The following PLD5 variants were observed in gnomAD, a reference collection of about 807,000 sequenced individuals.
PLD5 encodes inactive phospholipase D5.
In PLD5, 36 loss-of-function variants were observed where a neutral mutation model predicts 61.1. The observed-to-expected ratio is 0.59, with a 90% CI of 0.45 to 0.78. PLD5 has a LOEUF of 0.78. PLD5 is among the 30% of genes least tolerant of loss of function. The pLI is 0.00. For missense variants in PLD5, 515 were observed against 644.4 expected (o/e 0.80, Z 2.17); for synonymous variants, 243 against 242.8 (o/e 1.00, Z -0.01).
At chr1:242,466,262 A>G (rs1667273640) in intron 1 of PLD5, among the ~76,000 whole-genome samples, 1 of 152,128 alleles carries the variant, frequency 6.6e-6, no homozygotes. Flanking sequence ...TTGTTGCCTG[A>G]TGTATCCTAG....
At chr1:242,215,655 A>G (rs975766615) in intron 5 of PLD5, among the ~76,000 whole-genome samples, 12 of 152,124 alleles carry the variant, frequency 7.9e-5, no homozygotes, top group African/African-American at 2.2e-4. Context: ...AACGCATCAA[A>G]CCATAGCATG....
intron 5 of PLD5, among the ~76,000 whole-genome samples, chr1:242,137,081 A>G (rs1663790758): frequency 6.6e-6 from 1 of 152,236 alleles, no homozygotes. Context: ...AAACAGAAAG[A>G]AAAAGGAGAT....
chr1:242,262,958 G>T (rs1673454933), intron 4 of PLD5, among the ~76,000 whole-genome samples: 1 of 152,090 alleles, frequency 6.6e-6, no homozygotes, highest in Non-Finnish European at 1.5e-5. Context: ...AGGACTTCAT[G>T]AGGGCTAGGT....
intron 5 of PLD5, among the ~76,000 whole-genome samples, chr1:242,160,544 T>C (rs549685823): frequency 6.6e-6 from 1 of 152,262 alleles, no homozygotes; most frequent in Admixed American, 6.5e-5. Context: ...TAAGTGAATA[T>C]GTTATTGAGC....
At chr1:242,330,923 A>C (rs1400970060) in intron 2 of PLD5, among the ~76,000 whole-genome samples, 1 of 152,208 alleles carries the variant, frequency 6.6e-6, no homozygotes, top group African/African-American at 2.4e-5. Flanking sequence ...AATTTTCCTC[A>C]GCAAATTGAG....
intron 2 of PLD5, among the ~76,000 whole-genome samples, chr1:242,343,090 G>C (rs1574766222): frequency 6.6e-6 from 1 of 152,078 alleles, no homozygotes; most frequent in South Asian, 2.1e-4. Context: ...GCAGAAATAA[G>C]ATGAATTAAA....
intron 5 of PLD5, among the ~76,000 whole-genome samples, chr1:242,209,938 G>A (rs1238329325): frequency 6.6e-6 from 1 of 152,136 alleles, no homozygotes; most frequent in African/African-American, 2.4e-5. Flanking sequence ...GGGATTACAG[G>A]CACCCAACAC....
rs189005715 is a variant in PLD5 at position 242,312,700 on chromosome 1, T to C, written c.327-24170A>G. 7.9e-5 allele frequency among the ~76,000 whole-genome samples: 12 copies of C among 152,296 alleles called. No homozygotes were observed. In the East Asian group the frequency reaches 2.3e-3, roughly 29 times the overall value. ...GGCTTCTGTCATACAGGGTAGAACA[T>C]TGCAAATATGGTCTAAATCTCTCCA... On this transcript the variant is annotated intron_variant, in intron 2 of 9. Transcript: ENST00000536534.
intron 6 of PLD5, among the ~76,000 whole-genome samples, chr1:242,122,863 A>C (rs2148728957): frequency 6.6e-6 from 1 of 152,376 alleles, no homozygotes; most frequent in South Asian, 2.1e-4. Flanking sequence ...AAAAGGATAC[A>C]ATTCACTTTA....
chr1:242,375,536 C>T (rs1164749440), intron 1 of PLD5, among the ~76,000 whole-genome samples: 1 of 152,060 alleles, frequency 6.6e-6, no homozygotes, highest in Admixed American at 6.6e-5. Context: ...AGCAGCAAGA[C>T]CTTTCGAGGA....
intron 5 of PLD5, among the ~76,000 whole-genome samples, chr1:242,167,423 T>A (rs1666406261): frequency 2.0e-5 from 3 of 152,090 alleles, no homozygotes. Context: ...AACCGTCAGA[T>A]CTCATGAGAC....
At chr1:242,510,481 C>T (rs751226854) in intron 1 of PLD5, among the ~76,000 whole-genome samples, 8 of 152,160 alleles carry the variant, frequency 5.3e-5, no homozygotes, top group South Asian at 2.1e-4. Context: ...TAGTAGAAGA[C>T]GTCTCTCCAT....
intron 5 of PLD5, among the ~76,000 whole-genome samples, chr1:242,175,189 G>A (rs562678782): frequency 1.3e-5 from 2 of 152,316 alleles, no homozygotes; most frequent in Non-Finnish European, 2.9e-5. Context: ...GAACATGGAT[G>A]TGAAAATCCT....
intron 5 of PLD5, among the ~76,000 whole-genome samples, chr1:242,201,171 G>A (rs1049952553): frequency 9.9e-5 from 15 of 152,278 alleles, no homozygotes; most frequent in East Asian, 5.8e-4. Flanking sequence ...TACAGTTTGC[G>A]GAGGGAATTA....
At chr1:242,365,063 AAAT>A (rs1221240351) in intron 1 of PLD5, 2 of 152,210 alleles carry the variant, frequency 1.3e-5, no homozygotes, top group Non-Finnish European at 2.9e-5. Flanking sequence ...AAAAATAATA[AAAT>A]AATAAGGGGA....
intron 5 of PLD5, among the ~76,000 whole-genome samples, chr1:242,205,467 ACT>A (rs1669263387): frequency 6.6e-6 from 1 of 152,178 alleles, no homozygotes; most frequent in Non-Finnish European, 1.5e-5. Context: ...AAGATAAGAG[ACT>A]TCCACCCCTC....
chr1:242,142,498 C>T (rs1390584459), intron 5 of PLD5, among the ~76,000 whole-genome samples: 1 of 152,146 alleles, frequency 6.6e-6, no homozygotes, highest in Non-Finnish European at 1.5e-5. Flanking sequence ...TATTTTTCCA[C>T]TTAATTTTGT....
chr1:242,256,786 CTATCT>C lies in PLD5; in HGVS notation c.607+8546_607+8550del, dbSNP rs1443540417. On this transcript the variant is annotated intron_variant, in intron 4 of 9. Coordinates refer to ENST00000536534, the MANE Select transcript of PLD5 (RefSeq NM_001372062.1). This position sits in a 1 kb window ranked among gnomAD's most constrained non-coding sequence, Gnocchi z 5.7. ...TCTATCTATCTATCTATCTATCTAT[CTATCT>C]ATCTATTAATATCTATCTTTCTATG... is the stretch of plus-strand genomic sequence containing the variant. Among the ~76,000 whole-genome samples, 2 of 145,542 alleles carry C rather than the reference CTATCT, an allele frequency of 1.4e-5. No homozygotes were observed. Among genetic ancestry groups the C allele is most frequent in the Admixed American group, 6.8e-5 (1 of 14,722 alleles).
At chr1:242,284,119 CTTTTTTTTTTTTTTTT>C (rs565165218) in intron 3 of PLD5, among the ~76,000 whole-genome samples, 4 of 75,950 alleles carry the variant, frequency 5.3e-5, no homozygotes, top group Admixed American at 2.0e-4. Context: ...TTTCTTTTTC[CTTTTTTTTTTTTTTTT>C]TTTTTTTTTT....
Sources: gnomAD v4.1 joint callset for allele counts (sites outside exome capture counted in the v4.1 genomes callset) on GRCh38, gnomAD v4.1.1 for gene constraint, Gnocchi (gnomAD v3.1) non-coding constraint, MANE v1.5 for transcripts, NCBI Gene and HGNC (gene_info 2026-07-23, HGNC 2026-07-21) for gene names.